Variants in MAOB observed in about 807,000 individuals in gnomAD.
MAOB encodes the protein amine oxidase [flavin-containing] B.
Under a neutral mutation model 41.9 loss-of-function variants are expected in MAOB, and 15 were observed. The observed-to-expected ratio is 0.36, with a 90% CI of 0.24 to 0.55. The LOEUF (loss-of-function observed/expected upper bound fraction) is 0.55, where lower values mean the gene tolerates loss of function less well. MAOB is among the 20% of genes least tolerant of loss of function. MAOB has a pLI of 0.86. For synonymous variants in MAOB, 167 were observed against 144.2 expected (o/e 1.16, Z -1.13); for missense variants, 345 against 398.7 (o/e 0.87, Z 1.15).
chrX:43,780,602 A>T (rs1305737420), intron 9 of MAOB, among the ~76,000 whole-genome samples: 1 of 112,142 alleles, frequency 8.9e-6, no homozygotes, highest in African/African-American at 3.2e-5. Flanking sequence ...CAAGGAATCA[A>T]GCGACTAAAA....
intron 3 of MAOB, among the ~76,000 whole-genome samples, chrX:43,838,569 C>A (rs755839881): frequency 8.9e-6 from 1 of 111,915 alleles, no homozygotes; most frequent in East Asian, 2.8e-4. Flanking sequence ...AAAGACTTCC[C>A]GGTATTTAAA....
At chrX:43,878,043 C>G (rs141009913) in intron 1 of MAOB, among the ~76,000 whole-genome samples, 1 of 111,877 alleles carries the variant, frequency 8.9e-6, no homozygotes, top group Admixed American at 9.5e-5. Context: ...AAGCCAAAGC[C>G]GAAGTGATCA....
At chrX:43,817,309 C>A (rs776013645) in intron 3 of MAOB, among the ~76,000 whole-genome samples, 4 of 110,245 alleles carry the variant, frequency 3.6e-5, no homozygotes, top group African/African-American at 9.9e-5. Flanking sequence ...GCAGATTGCC[C>A]GAAATCAGTT....
At position 43,766,669 on chromosome X, in the gene MAOB, T is replaced by G. The variant is rs180943482; in HGVS notation, c.*797A>C. On this transcript the variant is annotated 3_prime_UTR_variant, in exon 15 of 15. Coordinates refer to ENST00000378069, the MANE Select transcript of MAOB (RefSeq NM_000898.5). The stretch of plus-strand genomic sequence containing the variant: ...GTGTGTACTGTCCTTTGTATGAAGA[T>G]ACAATGGAGGATACAAAAGGAAGAA... 3 of 111,811 alleles carry G rather than the reference T, an allele frequency of 2.7e-5. No homozygotes were observed. In the East Asian group the frequency reaches 8.4e-4, roughly 31 times the overall value. 9.2% of individuals were successfully genotyped at this position (111,811 alleles called of 1,213,427 possible). A position where few individuals can be genotyped will look rare whatever the true frequency, so the allele number is the denominator to read the frequency against.
chrX:43,789,108 T>C (rs1053272018), intron 8 of MAOB, among the ~76,000 whole-genome samples: 23 of 112,170 alleles, frequency 2.1e-4, no homozygotes, highest in African/African-American at 6.8e-4. Context: ...TTTATACATA[T>C]TTTAATAATT....
chrX:43,792,548 C>T lies in MAOB; in HGVS notation c.928+871G>A, dbSNP rs749850026. ...GCAAAATGCATGAACAGACACTTCT[C>T]AAAAGAAGACATACAAGTGGCCAAA... On this transcript the variant is annotated intron_variant, in intron 8 of 14. Transcript: ENST00000378069. Among the ~76,000 whole-genome samples, 3 of 111,924 alleles carry T rather than the reference C, an allele frequency of 2.7e-5. No individual in the cohort carries two copies. The East Asian group carries it at 8.4e-4, about 31-fold the overall frequency.
chrX:43,841,326 A>T (rs762620170), intron 2 of MAOB, among the ~76,000 whole-genome samples: 1 of 111,852 alleles, frequency 8.9e-6, no homozygotes, highest in East Asian at 2.8e-4. Flanking sequence ...AAATAAGGGT[A>T]TTTATAAATT....
At chrX:43,784,481 T>C (rs2147126997) in intron 8 of MAOB, among the ~76,000 whole-genome samples, 1 of 112,550 alleles carries the variant, frequency 8.9e-6, no homozygotes, top group Admixed American at 9.4e-5. Flanking sequence ...GGTGACCAGG[T>C]GCATTGTCCA....
At chrX:43,777,513 C>T (rs753200096) in intron 11 of MAOB, among the ~76,000 whole-genome samples, 1 of 111,728 alleles carries the variant, frequency 9.0e-6, no homozygotes, top group Non-Finnish European at 1.9e-5. Context: ...TACAGAAGAT[C>T]TGCAATGGTG....
intron 11 of MAOB, among the ~76,000 whole-genome samples, chrX:43,776,927 A>G (rs1370934732): frequency 9.0e-6 from 1 of 110,878 alleles, no homozygotes; most frequent in Non-Finnish European, 1.9e-5. Context: ...ATGTCCCTAC[A>G]AAGGACATGA....
chrX:43,864,096 A>G (rs937488115), intron 1 of MAOB, among the ~76,000 whole-genome samples: 1 of 111,566 alleles, frequency 9.0e-6, no homozygotes, highest in African/African-American at 3.3e-5. Flanking sequence ...TGAACTTGGC[A>G]TCACTATCTG....
chrX:43,822,732 T>C (rs1438862436), intron 3 of MAOB, among the ~76,000 whole-genome samples: 1 of 111,950 alleles, frequency 8.9e-6, no homozygotes, highest in Admixed American at 9.5e-5. Context: ...GACACCCATA[T>C]GCTTTTTGAA....
At chrX:43,836,949 A>G (rs1278734209) in intron 3 of MAOB, among the ~76,000 whole-genome samples, 3 of 112,438 alleles carry the variant, frequency 2.7e-5, no homozygotes, top group Non-Finnish European at 5.6e-5. Context: ...ATATCATTTA[A>G]GTGTAACATC....
At chrX:43,775,052 GTTGTTTT>G (rs2034235569) in intron 12 of MAOB, 116 bp downstream of exon 12, 3 of 695,501 alleles carry the variant, frequency 4.3e-6, no homozygotes, top group African/African-American at 2.7e-5. Flanking sequence ...AGGAAATTGG[GTTGTTTT>G]TTTTTTTTTT....
intron 3 of MAOB, among the ~76,000 whole-genome samples, chrX:43,807,440 T>C (rs1046326766): frequency 5.3e-5 from 6 of 112,585 alleles, no homozygotes; most frequent in African/African-American, 1.9e-4. Context: ...CAGAGCTCTC[T>C]GTTTCTCTTT....
intron 11 of MAOB, among the ~76,000 whole-genome samples, chrX:43,776,879 C>T (rs895072293): frequency 9.3e-6 from 1 of 107,329 alleles, no homozygotes; most frequent in African/African-American, 3.4e-5. Context: ...TTTGTCCCTG[C>T]GATAGTTTGC....
chrX:43,830,801 A>C (rs2035009949), intron 3 of MAOB, among the ~76,000 whole-genome samples: 1 of 111,961 alleles, frequency 8.9e-6, no homozygotes, highest in Non-Finnish European at 1.9e-5. Context: ...TCCTATCAAA[A>C]TGTTCTTAGG....
chrX:43,845,216 G>C (rs1324160245), intron 1 of MAOB, among the ~76,000 whole-genome samples: 1 of 111,354 alleles, frequency 9.0e-6, no homozygotes, highest in Non-Finnish European at 1.9e-5. Context: ...CCCATGATGA[G>C]TGGGCTGAAT....
Position 43,813,407 on chromosome X carries a change from G to T in MAOB, c.280-10003C>A, listed in dbSNP as rs767149604. On this transcript the variant is annotated intron_variant, in intron 3 of 14. Transcript: ENST00000378069. ...TGAATTTAACCTCAGATTTGTGTAG[G>T]TAGAGCTCACGTTCTTTCTTCTTAA... Among the ~76,000 whole-genome samples, 8 of 112,103 alleles carry T rather than the reference G, an allele frequency of 7.1e-5. No homozygotes were observed. The Admixed American group carries it at 7.6e-4, about 11-fold the overall frequency.
Sources: allele counts gnomAD v4.1 joint callset (sites outside exome capture counted in the v4.1 genomes callset), GRCh38; gene constraint gnomAD v4.1.1; transcripts MANE v1.5; gene names NCBI Gene and HGNC (gene_info 2026-07-23, HGNC 2026-07-21).